The following CFAP61 variants were observed in gnomAD, a reference collection of about 807,000 sequenced individuals.
CFAP61 encodes cilia and flagella associated protein 61.
A neutral mutation model predicts 135.6 loss-of-function variants in CFAP61; 107 were observed. The ratio of observed to expected loss-of-function variants is 0.79; its 90% CI spans 0.67 to 0.93. CFAP61 has a LOEUF of 0.93. Among genes scored for constraint, CFAP61 ranks in the 40% least tolerant of loss-of-function variants. CFAP61 has a pLI of 0.00. For synonymous variants in CFAP61, 575 were observed against 578.5 expected (o/e 0.99, Z 0.09); for missense variants, 1,507 against 1,556.2 (o/e 0.97, Z 0.53).
At chr20:20,086,765 G>T (rs1160609965) in intron 6 of CFAP61, among the ~76,000 whole-genome samples, 1 of 152,140 alleles carries the variant, frequency 6.6e-6, no homozygotes, top group Non-Finnish European at 1.5e-5. Context: ...TGTCCCTAAA[G>T]AGCATTTTCC....
At chr20:20,164,822 C>T (rs1371528775) in intron 11 of CFAP61, among the ~76,000 whole-genome samples, 1 of 152,170 alleles carries the variant, frequency 6.6e-6, no homozygotes, top group Non-Finnish European at 1.5e-5. Context: ...TTAATGAACT[C>T]ACAGTTCCAC....
intron 8 of CFAP61, among the ~76,000 whole-genome samples, chr20:20,136,480 A>G (rs6112780): frequency 0.35 from 53,002 of 151,786 alleles, 9,493 homozygotes; most frequent in Middle Eastern, 0.49. Context: ...CCTGTTTTCA[A>G]GCTCACTAAT....
At chr20:20,104,626 G>T (rs891634745) in intron 8 of CFAP61, among the ~76,000 whole-genome samples, 8 of 152,174 alleles carry the variant, frequency 5.3e-5, no homozygotes, top group African/African-American at 1.9e-4. Context: ...TCGGAACCTT[G>T]TTTTTAACAG....
intron 25 of CFAP61, among the ~76,000 whole-genome samples, chr20:20,308,021 G>C (rs560207864): frequency 3.0e-4 from 45 of 152,322 alleles, no homozygotes; most frequent in African/African-American, 1.0e-3. Context: ...TTTAAAAGTT[G>C]CTTTGGAACA....
At chr20:20,117,629 C>T (rs568370570) in intron 8 of CFAP61, among the ~76,000 whole-genome samples, 2 of 152,192 alleles carry the variant, frequency 1.3e-5, no homozygotes, top group Admixed American at 1.3e-4. Context: ...TGAAGAATGT[C>T]ATTAGTATTT....
intron 25 of CFAP61, among the ~76,000 whole-genome samples, chr20:20,309,494 G>A (rs1421784541): frequency 6.6e-6 from 1 of 152,216 alleles, no homozygotes; most frequent in Non-Finnish European, 1.5e-5. Context: ...TCTCGTACAG[G>A]TGAGGCAAGG....
chr20:20,098,870 T>C, intron 8 of CFAP61, 56 bp downstream of exon 8: 1 of 1,487,680 alleles, frequency 6.7e-7, no homozygotes, highest in South Asian at 1.3e-5. Context: ...TTTATACACA[T>C]TGCGCTCTTC....
chr20:20,118,257 CTTTCTTT>C lies in CFAP61; in HGVS notation c.859+19444_859+19450del, dbSNP rs1568940989. On this transcript the variant is annotated intron_variant, in intron 8 of 26. Transcript: ENST00000245957. ...GTCTTCATTATTTTGAGGTATGTTT[CTTTCTTT>C]CTTTCTTTCTTTCTTTCTTTCTTTC... Among the ~76,000 whole-genome samples the C allele has an allele frequency of 3.0e-3, 137 of 46,056 alleles. 1 individual carries two copies. Among genetic ancestry groups the C allele is most frequent in the African/African-American group, 5.0e-3 (91 of 18,030 alleles). 30.2% of individuals were successfully genotyped at this position (46,056 alleles called of 152,430 possible).
chr20:20,216,905 C>T (rs1028964404), intron 17 of CFAP61, among the ~76,000 whole-genome samples: 7 of 151,940 alleles, frequency 4.6e-5, no homozygotes, highest in Non-Finnish European at 7.4e-5. Context: ...CTGAAATTAG[C>T]CTTGTGTGTT....
At chr20:20,199,224 G>T (rs1412360809) in intron 16 of CFAP61, among the ~76,000 whole-genome samples, 1 of 151,980 alleles carries the variant, frequency 6.6e-6, no homozygotes, top group Admixed American at 6.6e-5. Flanking sequence ...TTATCTTTTT[G>T]TTCTAAAACA....
intron 8 of CFAP61, among the ~76,000 whole-genome samples, chr20:20,100,510 A>G (rs2047944205): frequency 6.6e-6 from 1 of 152,186 alleles, no homozygotes; most frequent in Non-Finnish European, 1.5e-5. Flanking sequence ...TCTCACATGT[A>G]AAATGGAGAT....
intron 8 of CFAP61, among the ~76,000 whole-genome samples, chr20:20,113,966 C>CAAAAA (rs11456473): frequency 2.1e-5 from 2 of 94,554 alleles, no homozygotes; most frequent in Admixed American, 1.2e-4. Context: ...CATGAGAGCT[C>CAAAAA]AAAAAAAAAA....
chr20:20,287,072 A>G lies in CFAP61; in HGVS notation c.2797-1537A>G, dbSNP rs571906899. On this transcript the variant is annotated intron_variant, in intron 22 of 26. Coordinates refer to ENST00000245957, the MANE Select transcript of CFAP61 (RefSeq NM_015585.4). ...GGTAGGAAATCTATTTTTTATAGAG[A>G]TGGGGAAAGAGAATGAGAAAGCAAA... Among the ~76,000 whole-genome samples the G allele has an allele frequency of 9.9e-5, 15 of 152,266 alleles. No homozygotes were observed. The South Asian group carries it at 2.9e-3, about 29-fold the overall frequency.
chr20:20,116,549 A>G (rs747701317), intron 8 of CFAP61, among the ~76,000 whole-genome samples: 12 of 152,074 alleles, frequency 7.9e-5, no homozygotes, highest in Non-Finnish European at 8.8e-5. Flanking sequence ...TTCTTCTAGT[A>G]GTTTCATTGT....
chr20:20,106,172 T>G (rs1191145490), intron 8 of CFAP61, among the ~76,000 whole-genome samples: 1 of 151,836 alleles, frequency 6.6e-6, no homozygotes, highest in Non-Finnish European at 1.5e-5. Flanking sequence ...TTAGACTCTT[T>G]CAGGGCTTTC....
At chr20:20,091,690 T>C (rs1264779638) in intron 7 of CFAP61, among the ~76,000 whole-genome samples, 1 of 152,156 alleles carries the variant, frequency 6.6e-6, no homozygotes, top group Non-Finnish European at 1.5e-5. Context: ...ATTATTATTA[T>C]TTTTTGAGAT....
intron 8 of CFAP61, among the ~76,000 whole-genome samples, chr20:20,128,917 T>C (rs4814944): frequency 0.91 from 137,286 of 151,480 alleles, 62,396 homozygotes; most frequent in African/African-American, 0.96. Flanking sequence ...TTAACTCCAT[T>C]CCCCAAGATT....
At chr20:20,129,062 T>C (rs1375348898) in intron 8 of CFAP61, among the ~76,000 whole-genome samples, 2 of 151,668 alleles carry the variant, frequency 1.3e-5, no homozygotes, top group East Asian at 3.8e-4. Flanking sequence ...GATTTTTCTT[T>C]TGGACTTCAT....
intron 18 of CFAP61, among the ~76,000 whole-genome samples, chr20:20,240,386 C>A (rs1027446083): frequency 3.3e-5 from 5 of 152,118 alleles, no homozygotes; most frequent in African/African-American, 1.2e-4. Context: ...TCTGTGGCAA[C>A]AGCTCCTGGG....
Sources: gnomAD v4.1 joint callset for allele counts (sites outside exome capture counted in the v4.1 genomes callset) on GRCh38, gnomAD v4.1.1 for gene constraint, MANE v1.5 for transcripts, NCBI Gene and HGNC (gene_info 2026-07-23, HGNC 2026-07-21) for gene names.